The following BCR variants were observed in gnomAD, a reference collection of about 807,000 sequenced individuals.
BCR encodes BCR activator of RhoGEF and GTPase, also known as breakpoint cluster region protein.
BCR carries 58 observed loss-of-function variants against 138.6 expected under a neutral mutation model. The observed-to-expected ratio is 0.42, with a 90% CI of 0.34 to 0.52. The LOEUF (loss-of-function observed/expected upper bound fraction) is 0.52, where lower values mean the gene tolerates loss of function less well. Ranked by LOEUF, BCR falls within the 20% of genes least tolerant of loss-of-function variation. The pLI is 0.06. For synonymous variants in BCR, 786 were observed against 730.1 expected, an observed-to-expected ratio of 1.08 and a Z score of -1.23; for missense variants, 1,599 against 1,727.2, an observed-to-expected ratio of 0.93 and a Z score of 1.32.
intron 1 of BCR, among the ~76,000 whole-genome samples, chr22:23,245,212 T>C (rs1368786416): frequency 1.3e-5 from 2 of 152,156 alleles, no homozygotes; most frequent in Non-Finnish European, 2.9e-5. Context: ...CTGTTTCTCA[T>C]CTGCGGTGTC....
chr22:23,184,832 A>G (rs1450337967), intron 1 of BCR, among the ~76,000 whole-genome samples: 1 of 151,640 alleles, frequency 6.6e-6, no homozygotes, highest in African/African-American at 2.4e-5. Context: ...TGGCTCAGCC[A>G]TCTGTCTCTG....
At chr22:23,218,498 G>T (rs530164276) in intron 1 of BCR, among the ~76,000 whole-genome samples, 1 of 152,226 alleles carries the variant, frequency 6.6e-6, no homozygotes, top group African/African-American at 2.4e-5. Flanking sequence ...CTGTGGGACC[G>T]GAGAGCTGGG....
intron 22 of BCR, among the ~76,000 whole-genome samples, chr22:23,315,083 G>A (rs931795981): frequency 6.6e-6 from 1 of 152,136 alleles, no homozygotes; most frequent in Non-Finnish European, 1.5e-5. Context: ...AATTAGCCAG[G>A]CATTGTGGCA....
intron 1 of BCR, among the ~76,000 whole-genome samples, chr22:23,224,748 G>A (rs1160878659): frequency 1.3e-5 from 2 of 152,210 alleles, no homozygotes; most frequent in East Asian, 3.9e-4. Context: ...CAGGCATGGT[G>A]GCACACGCCT....
intron 1 of BCR, among the ~76,000 whole-genome samples, chr22:23,224,047 A>C (rs1009956403): frequency 6.6e-6 from 1 of 152,036 alleles, no homozygotes; most frequent in Non-Finnish European, 1.5e-5. Context: ...TCTTTTCCAC[A>C]TGGTCTAAAG....
chr22:23,204,506 C>A (rs146090415), intron 1 of BCR, among the ~76,000 whole-genome samples: 2 of 152,216 alleles, frequency 1.3e-5, no homozygotes, highest in African/African-American at 4.8e-5. Flanking sequence ...GAGTTCCCAG[C>A]AAATTATTTG....
At chr22:23,201,589 C>T (rs1458635844) in intron 1 of BCR, among the ~76,000 whole-genome samples, 2 of 152,184 alleles carry the variant, frequency 1.3e-5, no homozygotes, top group East Asian at 3.8e-4. Context: ...TCCTGAGTAG[C>T]TGGGACTACA....
At position 23,313,867 on chromosome 22, in the gene BCR, GGGC is replaced by G. The variant is rs1286988748; in HGVS notation, c.3458-100_3458-98del. 16 of 932,592 alleles carry G rather than the reference GGGC, an allele frequency of 1.7e-5. No homozygotes were observed. The East Asian group carries it at 3.4e-4, about 20-fold the overall frequency. The allele number at this position is 932,592 out of a possible 1,614,324, so 57.8% of individuals were successfully genotyped here. A position where few individuals can be genotyped will look rare whatever the true frequency, so the allele number is the denominator to read the frequency against. Reference sequence around the variant, plus strand: ...TGAGACTGAGGATGATGACGAGCCTGGGCTGTGCAGGGACACAAGCCCCAGGTG... The same window carrying G: ...TGAGACTGAGGATGATGACGAGCCTGTGTGCAGGGACACAAGCCCCAGGTG... On this transcript the variant is annotated intron_variant, in intron 20 of 22. Coordinates refer to ENST00000305877, the MANE Select transcript of BCR (RefSeq NM_004327.4).
chr22:23,182,140 C>T lies in BCR; in HGVS notation c.1180C>T (p.His394Tyr), dbSNP rs1480282638. The stretch of plus-strand genomic sequence containing the variant: ...GCCGCAGTGCCATAAGCGGCACCGG[C>T]ACTGCCCGGTTGTCGTGTCCGAGGC... ...PTPQCHKRHR[H>Y]CPVVVSEATI... The change falls in exon 1 of 23, where the codon CAC becomes TAC. Residue 394 changes from histidine to tyrosine, a missense_variant. Physicochemically the swap from His to Tyr is moderately conservative, Grantham distance 83. Around this residue, in one of 4 missense-constraint regions of BCR, gnomAD observed 806 missense variants for 635.0 expected, o/e 1.27. Transcript: ENST00000305877. 1 of 1,610,642 alleles carries T rather than the reference C, an allele frequency of 6.2e-7. No individual in the cohort carries two copies. The highest frequency in any genetic ancestry group is 8.5e-7 in the Non-Finnish European group (1 of 1,179,912).
chr22:23,198,632 T>C (rs2072510456), intron 1 of BCR, among the ~76,000 whole-genome samples: 1 of 152,130 alleles, frequency 6.6e-6, no homozygotes, highest in South Asian at 2.1e-4. Context: ...AGGAACGTGA[T>C]GCTGGGCACC....
intron 22 of BCR, 125 bp downstream of exon 22, chr22:23,314,839 G>C (rs879753428): frequency 1.1e-5 from 14 of 1,270,516 alleles, no homozygotes; most frequent in South Asian, 2.5e-5. Context: ...CATTCACAGA[G>C]AGGGACTTGC....
intron 2 of BCR, among the ~76,000 whole-genome samples, chr22:23,254,738 C>G (rs1199631199): frequency 6.6e-6 from 1 of 152,228 alleles, no homozygotes; most frequent in Non-Finnish European, 1.5e-5. Flanking sequence ...GTGCATGTCC[C>G]CCCACTTGAC....
At chr22:23,290,674 A>G (rs6003601) in intron 14 of BCR, 3 of 492,798 alleles carry the variant, frequency 6.1e-6, no homozygotes. Context: ...AGGTGGATCG[A>G]GTAATTGCAG....
intron 8 of BCR, among the ~76,000 whole-genome samples, chr22:23,274,857 G>A (rs1048005132): frequency 3.6e-5 from 5 of 139,160 alleles, no homozygotes; most frequent in African/African-American, 5.4e-5. Flanking sequence ...GCAGTGAGCC[G>A]AGATCTCACC....
At chr22:23,242,417 GA>G in intron 1 of BCR, among the ~76,000 whole-genome samples, 1 of 152,326 alleles carries the variant, frequency 6.6e-6, no homozygotes, top group South Asian at 2.1e-4. Flanking sequence ...ATGGCTTGCT[GA>G]GTATAGCAAG....
chr22:23,183,183 A>G (rs1227289141), intron 1 of BCR, among the ~76,000 whole-genome samples: 18 of 152,144 alleles, frequency 1.2e-4, no homozygotes, highest in Non-Finnish European at 4.4e-5. Context: ...GGGTCATGGG[A>G]CTATGTTTTG....
intron 11 of BCR, 122 bp from the exon 12 acceptor site, chr22:23,287,975 C>T: frequency 1.1e-6 from 1 of 924,892 alleles, no homozygotes; most frequent in Non-Finnish European, 1.8e-6. Context: ...GTGAGCACAC[C>T]TGGCCACTGG....
chr22:23,230,165 G>A (rs555136128), intron 1 of BCR, among the ~76,000 whole-genome samples: 1 of 151,972 alleles, frequency 6.6e-6, no homozygotes, highest in African/African-American at 2.4e-5. Flanking sequence ...CTGCCAAGGT[G>A]TCCTTAAAGT....
intron 14 of BCR, 133 bp downstream of exon 14, chr22:23,290,546 C>T: frequency 2.2e-6 from 2 of 925,974 alleles, no homozygotes; most frequent in East Asian, 2.4e-5. Context: ...ACCCTGGCCG[C>T]TGTGGAGTGT....
Sources: gnomAD v4.1 joint callset for allele counts (sites outside exome capture counted in the v4.1 genomes callset) on GRCh38, gnomAD v4.1.1 for gene constraint, gnomAD v4.1.1 regional missense constraint, MANE v1.5 for transcripts, NCBI Gene and HGNC (gene_info 2026-07-23, HGNC 2026-07-21) for gene names.